GLCCI1: variants seen among roughly 807,000 people sequenced by gnomAD.
GLCCI1 encodes the protein glucocorticoid-induced transcript 1 protein.
Under a neutral mutation model 52.2 loss-of-function variants are expected in GLCCI1, and 24 were observed. That is an observed-to-expected ratio of 0.46 (90% confidence interval 0.33 to 0.65). The LOEUF is 0.65. Among genes scored for constraint, GLCCI1 ranks in the 30% least tolerant of loss-of-function variants. The pLI, the probability that GLCCI1 is intolerant of heterozygous loss-of-function variation, is 0.02. For missense variants in GLCCI1, 704 were observed against 701.5 expected, an observed-to-expected ratio of 1.00 and a Z score of -0.04; for synonymous variants, 310 against 276.5, an observed-to-expected ratio of 1.12 and a Z score of -1.20.
At chr7:7,981,663 C>A in intron 1 of GLCCI1, 1 of 233,090 alleles carries the variant, frequency 4.3e-6, no homozygotes, top group Non-Finnish European at 8.5e-6. Context: ...TCAAAATGGA[C>A]AATATACTTA....
chr7:8,022,473 T>TA lies in GLCCI1; in HGVS notation c.610-10_610-9insA, dbSNP rs1301394840. ...ATTTCTTATTTTATTTATATATATA[T>TA]TTTTTAAAGACACCTAGCTGTTGGG... On this transcript the variant is annotated splice_polypyrimidine_tract_variant and intron_variant, in intron 2 of 7. Transcript: ENST00000223145. 2.7e-6 allele frequency: 4 copies of TA among 1,483,058 alleles called. No homozygotes were observed. The highest frequency in any genetic ancestry group is 1.4e-5 in the African/African-American group (1 of 69,636). The allele number at this position is 1,483,058 out of a possible 1,614,324, so 91.9% of individuals were successfully genotyped here.
intron 3 of GLCCI1, among the ~76,000 whole-genome samples, chr7:8,038,705 C>T (rs1446800523): frequency 6.6e-6 from 1 of 151,960 alleles, no homozygotes; most frequent in Non-Finnish European, 1.5e-5. Flanking sequence ...TGAACATTGG[C>T]CTAAGCAAAA....
Position 8,067,891 on chromosome 7 carries a change from G to T in GLCCI1, c.967-3030G>T, listed in dbSNP as rs117698305. ...TCTGCATTTCCTGAATTTGAATGTTGGCCTCTTTAGTGTGGGTGGGGAAGT... is the reference window on the plus strand; with the variant it reads ...TCTGCATTTCCTGAATTTGAATGTTTGCCTCTTTAGTGTGGGTGGGGAAGT... On this transcript the variant is annotated intron_variant, in intron 5 of 7. Transcript: ENST00000223145. Among the ~76,000 whole-genome samples, 724 of 152,140 alleles carry T rather than the reference G, an allele frequency of 4.8e-3. 15 individuals are homozygous for T. In the East Asian group the frequency reaches 0.076, roughly 16 times the overall value.
chr7:8,058,891 G>A (rs760591579), intron 4 of GLCCI1, among the ~76,000 whole-genome samples: 2 of 152,138 alleles, frequency 1.3e-5, no homozygotes, highest in African/African-American at 4.8e-5. Context: ...AACATATTTT[G>A]TATGTTTCAT....
chr7:8,030,984 C>T (rs894952212), intron 3 of GLCCI1, among the ~76,000 whole-genome samples: 6 of 152,048 alleles, frequency 3.9e-5, no homozygotes, highest in Non-Finnish European at 7.4e-5. Flanking sequence ...TTGGAGGTTT[C>T]TTTAAAATCT....
rs1783161758 is a variant in GLCCI1 at position 8,088,256 on chromosome 7, G to GTGTGTGTT, written c.*1725_*1726insTTGTGTGT. 6.6e-6 allele frequency: 1 copy of GTGTGTGTT among 151,830 alleles called. No individual in the cohort carries two copies. Among genetic ancestry groups the GTGTGTGTT allele is most frequent in the African/African-American group, 2.4e-5 (1 of 41,172 alleles). The allele number at this position is 151,830 out of a possible 1,614,324, so 9.4% of individuals were successfully genotyped here. A position where few individuals can be genotyped will look rare whatever the true frequency, so the allele number is the denominator to read the frequency against. On this transcript the variant is annotated 3_prime_UTR_variant, in exon 8 of 8. Coordinates refer to ENST00000223145, the MANE Select transcript of GLCCI1 (RefSeq NM_138426.4). ...TGTATATGTTTGTGTGTGTGTGTGT[G>GTGTGTGTT]TGTGTGTGTGTGTGTATTCTGTGCA...
rs1324947606 is a variant in GLCCI1, at chr7:7,969,840, T to G, written c.457+33T>G. On this transcript the variant is annotated intron_variant, in intron 1 of 7. Coordinates refer to ENST00000223145, the MANE Select transcript of GLCCI1 (RefSeq NM_138426.4). The surrounding 1 kb of genome is among the most constrained non-coding windows in gnomAD (Gnocchi z 4.9). Reference sequence around the variant, plus strand: ...GCCCAACCCTCCCGTCCTCCCGGGCTGCGTCTCCCCGACGGTGCCCTCCGT... The same window carrying G: ...GCCCAACCCTCCCGTCCTCCCGGGCGGCGTCTCCCCGACGGTGCCCTCCGT... 1.4e-6 allele frequency: 2 copies of G among 1,387,620 alleles called. No individual in the cohort carries two copies. The highest frequency in any genetic ancestry group is 2.7e-5 in the Admixed American group (1 of 36,510). 86.0% of individuals were successfully genotyped at this position (1,387,620 alleles called of 1,614,324 possible).
chr7:7,969,883 C>T lies in GLCCI1; in HGVS notation c.457+76C>T, dbSNP rs1780305315. ...CCCTCCGTGGAAACTTCAGCCTCTT[C>T]GGGCTTCTCTTTGCTAGTGCATTAT... On this transcript the variant is annotated intron_variant, in intron 1 of 7. Transcript: ENST00000223145. The surrounding 1 kb of genome is among the most constrained non-coding windows in gnomAD (Gnocchi z 4.9). 1 of 1,220,666 alleles carries T rather than the reference C, an allele frequency of 8.2e-7. No homozygotes were observed. The highest frequency in any genetic ancestry group is 4.7e-5 in the East Asian group (1 of 21,316). The allele number at this position is 1,220,666 out of a possible 1,614,324, so 75.6% of individuals were successfully genotyped here. A position where few individuals can be genotyped will look rare whatever the true frequency, so the allele number is the denominator to read the frequency against.
At position 8,078,106 on chromosome 7, in the gene GLCCI1, C is replaced by T. The variant is rs545030368; in HGVS notation, c.1178-6791C>T. ...AAAATGAGCCGGGCGTGGTGGCGGG[C>T]ACCTGTAGTCCCAGCTACTCGGGAG... On this transcript the variant is annotated intron_variant, in intron 6 of 7. Transcript: ENST00000223145. Among the ~76,000 whole-genome samples, 1,089 of 151,088 alleles carry T rather than the reference C, an allele frequency of 7.2e-3. 5 individuals are homozygous for T. The highest frequency in any genetic ancestry group is 0.014 in the South Asian group (67 of 4,746).
At chr7:8,056,206 G>C (rs1203639430) in intron 4 of GLCCI1, among the ~76,000 whole-genome samples, 1 of 149,630 alleles carries the variant, frequency 6.7e-6, no homozygotes, top group Non-Finnish European at 1.5e-5. Flanking sequence ...ACTGAGGCAG[G>C]AGACTCACTT....
At chr7:8,034,191 G>T (rs920231075) in intron 3 of GLCCI1, among the ~76,000 whole-genome samples, 6 of 152,068 alleles carry the variant, frequency 3.9e-5, no homozygotes, top group African/African-American at 4.8e-5. Context: ...TATAATAATT[G>T]AATATTTGTA....
At chr7:8,061,839 G>C (rs1226198938) in intron 5 of GLCCI1, among the ~76,000 whole-genome samples, 2 of 151,512 alleles carry the variant, frequency 1.3e-5, no homozygotes, top group African/African-American at 4.9e-5. Context: ...GCTAATTTTT[G>C]TATTTTTAGT....
At position 7,969,610 on chromosome 7, in the gene GLCCI1, C is replaced by G; in HGVS notation, c.260C>G (p.Ala87Gly). The part of the protein sequence containing the change: ...QHSPTRPPVA[A>G]AAASLGSLPG... ...AGTCCCACGCGTCCGCCCGTCGCCG[C>G]TGCCGCCGCCTCGCTGGGCAGCCTC... The change falls in exon 1 of 8, where the codon GCT becomes GGT. Residue 87 changes from alanine to glycine, a missense_variant. Physicochemically the swap from Ala to Gly is moderately conservative, Grantham distance 60 (BLOSUM62 0). Coordinates refer to ENST00000223145, the MANE Select transcript of GLCCI1 (RefSeq NM_138426.4). The surrounding 1 kb of genome is among the most constrained non-coding windows in gnomAD (Gnocchi z 4.9). The G allele has an allele frequency of 9.7e-7, 1 of 1,029,360 alleles. No individual in the cohort carries two copies. The highest frequency in any genetic ancestry group is 1.7e-5 in the African/African-American group (1 of 57,516). 63.8% of individuals were successfully genotyped at this position (1,029,360 alleles called of 1,614,324 possible).
In GLCCI1 at chr7:8,013,300, C is replaced by A. The variant is rs140839285; in HGVS notation, c.610-9183C>A. Among the ~76,000 whole-genome samples the A allele has an allele frequency of 2.8e-3, 420 of 152,154 alleles. 1 individual carries two copies. The highest frequency in any genetic ancestry group is 8.4e-3 in the African/African-American group (349 of 41,528). On this transcript the variant is annotated intron_variant, in intron 2 of 7. Coordinates refer to ENST00000223145, the MANE Select transcript of GLCCI1 (RefSeq NM_138426.4). Reference sequence around the variant, plus strand: ...ATGGAAGGCATGAGGTGATATCCAGCTTTATTTATTTTTCAAAGTGACTAA... The same window carrying A: ...ATGGAAGGCATGAGGTGATATCCAGATTTATTTATTTTTCAAAGTGACTAA...
At chr7:7,975,896 G>T (rs550300557) in intron 1 of GLCCI1, among the ~76,000 whole-genome samples, 1 of 152,244 alleles carries the variant, frequency 6.6e-6, no homozygotes, top group East Asian at 1.9e-4. Flanking sequence ...TACTGTCCTC[G>T]AATCACTTTG....
intron 6 of GLCCI1, chr7:8,078,476 T>C (rs1015915748): frequency 5.3e-5 from 8 of 152,206 alleles, no homozygotes; most frequent in Admixed American, 4.6e-4. Flanking sequence ...CTAATAAAAG[T>C]TTATATATTT....
At chr7:7,994,343 T>C (rs1175830373) in intron 1 of GLCCI1, among the ~76,000 whole-genome samples, 1 of 152,248 alleles carries the variant, frequency 6.6e-6, no homozygotes, top group African/African-American at 2.4e-5. Flanking sequence ...ATTTAAACTA[T>C]TAAAATCTAA....
chr7:8,055,538 A>G lies in GLCCI1; in HGVS notation c.802A>G (p.Ser268Gly). The G allele has an allele frequency of 6.3e-7, 1 of 1,590,138 alleles. No individual in the cohort carries two copies. Among genetic ancestry groups the G allele is most frequent in the Middle Eastern group, 1.7e-4 (1 of 6,028 alleles). ...TCTTCATGGCAACCATATAACAATC[A>G]GTCACACTCAGGTAGGCTAACTTCT... ...SPLHGNHITI[S>G]HTQATGSRSV... Residue 268 changes from serine to glycine, a missense_variant, in exon 4 of 8, where the codon AGT becomes GGT. By Grantham distance (56) the Ser-to-Gly change is moderately conservative. Coordinates refer to ENST00000223145, the MANE Select transcript of GLCCI1 (RefSeq NM_138426.4).
intron 1 of GLCCI1, among the ~76,000 whole-genome samples, chr7:7,996,662 CTG>C (rs1471753488): frequency 1.3e-5 from 2 of 152,180 alleles, no homozygotes; most frequent in African/African-American, 4.8e-5. Context: ...AGCTGCCTGA[CTG>C]CATTTTTTGG....
Sources: allele counts gnomAD v4.1 joint callset (sites outside exome capture counted in the v4.1 genomes callset), GRCh38; gene constraint gnomAD v4.1.1; non-coding constraint Gnocchi (gnomAD v3.1); transcripts MANE v1.5; gene names NCBI Gene and HGNC (gene_info 2026-07-23, HGNC 2026-07-21).